Variants in B3GAT2 observed in about 807,000 individuals in gnomAD.
B3GAT2 encodes beta-1,3-glucuronyltransferase 2.
In B3GAT2, 26 loss-of-function variants were observed where a neutral mutation model predicts 27.8. The observed-to-expected ratio is 0.93, with a 90% CI of 0.68 to 1.30. The LOEUF is 1.30. Ranked by LOEUF, B3GAT2 falls within the 50% of genes most tolerant of loss-of-function variation. The pLI is 0.00. For synonymous variants in B3GAT2, 218 were observed against 195.1 expected (o/e 1.12, Z -0.98); for missense variants, 458 against 459.0 (o/e 1.00, Z 0.02).
chr6:70,920,608 A>C (rs1411893216), intron 1 of B3GAT2, among the ~76,000 whole-genome samples: 1 of 152,146 alleles, frequency 6.6e-6, no homozygotes, highest in Non-Finnish European at 1.5e-5. Flanking sequence ...TGTACTTTTT[A>C]AGTCAGGCAT....
intron 2 of B3GAT2, among the ~76,000 whole-genome samples, chr6:70,863,527 G>T (rs899347208): frequency 4.5e-4 from 68 of 152,304 alleles, no homozygotes; most frequent in African/African-American, 1.5e-3. Flanking sequence ...TTTTAGCAGA[G>T]AATACTGGAT....
At position 70,957,043 on chromosome 6, in the gene B3GAT2, C is replaced by T; in HGVS notation, c.-614G>A. The T allele has an allele frequency of 2.0e-6, 2 of 986,732 alleles. No individual in the cohort carries two copies. The highest frequency in any genetic ancestry group is 4.7e-5 in the South Asian group (1 of 21,334). 61.1% of individuals were successfully genotyped at this position (986,732 alleles called of 1,614,324 possible). On this transcript the variant is annotated 5_prime_UTR_variant, in exon 1 of 4. Coordinates refer to ENST00000230053, the MANE Select transcript of B3GAT2 (RefSeq NM_080742.3). ...TCCCTTGCTCTTGTCTTCTCAGAAC[C>T]TCTCCGGATCCAGCAGCAAGATCCC...
In B3GAT2 at chr6:70,956,436, C is replaced by T. The variant is rs1260518546; in HGVS notation, c.-7G>A. On this transcript the variant is annotated 5_prime_UTR_variant, in exon 1 of 4. The change creates a new upstream start codon in the 5' untranslated region. Transcript: ENST00000230053. ...TGAAAAGCGCGGACTTCATGGTGCACGCTCCCTGGCCTCTCGGACACCCCA... is the reference window on the plus strand; with the variant it reads ...TGAAAAGCGCGGACTTCATGGTGCATGCTCCCTGGCCTCTCGGACACCCCA... 1.9e-6 allele frequency: 3 copies of T among 1,550,936 alleles called. No homozygotes were observed. The highest frequency in any genetic ancestry group is 2.6e-6 in the Non-Finnish European group (3 of 1,146,796).
At position 70,956,955 on chromosome 6, in the gene B3GAT2, G is replaced by A; in HGVS notation, c.-526C>T. On this transcript the variant is annotated 5_prime_UTR_variant, in exon 1 of 4. Coordinates refer to ENST00000230053, the MANE Select transcript of B3GAT2 (RefSeq NM_080742.3). ...TTCCCGCCGGGGTGGCGAGGAGCGG[G>A]TGGAGACGCTGGGGGTTGTGTCCCG... 2 of 1,011,640 alleles carry A rather than the reference G, an allele frequency of 2.0e-6. No homozygotes were observed. The highest frequency in any genetic ancestry group is 2.4e-6 in the Non-Finnish European group (2 of 847,680). The allele number at this position is 1,011,640 out of a possible 1,614,324, so 62.7% of individuals were successfully genotyped here.
At chr6:70,870,105 G>A (rs527681388) in intron 2 of B3GAT2, among the ~76,000 whole-genome samples, 5 of 151,854 alleles carry the variant, frequency 3.3e-5, no homozygotes, top group South Asian at 2.1e-4. Context: ...TGTTTATTGC[G>A]GCACTATTCA....
At chr6:70,943,650 G>A (rs537714209) in intron 1 of B3GAT2, among the ~76,000 whole-genome samples, 26 of 152,274 alleles carry the variant, frequency 1.7e-4, no homozygotes, top group Admixed American at 7.2e-4. Flanking sequence ...ACAAGAATAC[G>A]TAGTTTAAAA....
rs113695081 is a variant in B3GAT2, at chr6:70,940,491, CA to C, written c.591+15347del. Among the ~76,000 whole-genome samples the C allele has an allele frequency of 8.6e-3, 1,292 of 149,904 alleles. 9 individuals carry two copies. The highest frequency in any genetic ancestry group is 0.014 in the African/African-American group (564 of 40,966). On this transcript the variant is annotated intron_variant, in intron 1 of 3. Transcript: ENST00000230053. ...AAAATACTGCTTCTAATCATGTGCT[CA>C]AAAAAAAAATCTATTTCGTGCCCTC...
intron 2 of B3GAT2, among the ~76,000 whole-genome samples, chr6:70,878,802 G>A (rs140767556): frequency 1.3e-5 from 2 of 151,470 alleles, no homozygotes; most frequent in East Asian, 3.9e-4. Flanking sequence ...ATTTTTAACT[G>A]TTTAAGGAGC....
chr6:70,941,740 G>A (rs572977313), intron 1 of B3GAT2, among the ~76,000 whole-genome samples: 11 of 152,106 alleles, frequency 7.2e-5, no homozygotes, highest in Non-Finnish European at 1.0e-4. Flanking sequence ...CTCCTTTCAG[G>A]GATTAAACTC....
Position 70,956,603 on chromosome 6 carries a change from G to A in B3GAT2, c.-174C>T, listed in dbSNP as rs1765662425. ...CCGCGGGGCTCACTACCTGGGCGTG[G>A]AGGAGCGGCAGGTTCGCGCAAGCTA... is the stretch of plus-strand genomic sequence containing the variant. On this transcript the variant is annotated 5_prime_UTR_variant, in exon 1 of 4. Coordinates refer to ENST00000230053, the MANE Select transcript of B3GAT2 (RefSeq NM_080742.3). 3.5e-6 allele frequency: 5 copies of A among 1,435,260 alleles called. No homozygotes were observed. The highest frequency in any genetic ancestry group is 1.5e-5 in the South Asian group (1 of 67,360). The allele number at this position is 1,435,260 out of a possible 1,614,324, so 88.9% of individuals were successfully genotyped here.
intron 1 of B3GAT2, among the ~76,000 whole-genome samples, chr6:70,952,379 A>G (rs1433626379): frequency 2.0e-5 from 3 of 151,920 alleles, no homozygotes; most frequent in Non-Finnish European, 4.4e-5. Flanking sequence ...TTTCAATTCA[A>G]TTGATTTCCA....
At chr6:70,872,784 TTTA>T (rs1443041582) in intron 2 of B3GAT2, among the ~76,000 whole-genome samples, 2 of 151,984 alleles carry the variant, frequency 1.3e-5, no homozygotes, top group African/African-American at 2.4e-5. Flanking sequence ...TACTGCCTTC[TTTA>T]TTATTAAACA....
intron 2 of B3GAT2, among the ~76,000 whole-genome samples, chr6:70,872,458 C>T (rs952218771): frequency 7.5e-5 from 11 of 146,934 alleles, no homozygotes; most frequent in African/African-American, 9.9e-5. Flanking sequence ...AGTAACAGTT[C>T]GTCTTAAAGT....
intron 1 of B3GAT2, among the ~76,000 whole-genome samples, chr6:70,917,966 C>G (rs1188057888): frequency 6.6e-6 from 1 of 152,090 alleles, no homozygotes; most frequent in Non-Finnish European, 1.5e-5. Context: ...AACTTTCTGT[C>G]TCGTTGATCC....
intron 2 of B3GAT2, among the ~76,000 whole-genome samples, chr6:70,882,428 G>A (rs992734654): frequency 1.4e-4 from 21 of 152,244 alleles, no homozygotes; most frequent in African/African-American, 4.3e-4. Flanking sequence ...GTGAACCCGG[G>A]AGGTAGAGCT....
At chr6:70,906,159 G>A (rs934929555) in intron 1 of B3GAT2, among the ~76,000 whole-genome samples, 3 of 152,110 alleles carry the variant, frequency 2.0e-5, no homozygotes, top group Non-Finnish European at 4.4e-5. Flanking sequence ...GAAAACCAAC[G>A]ATCTATCTCC....
rs1487623955 is a variant in B3GAT2 at position 70,956,096 on chromosome 6, G to A, written c.334C>T (p.His112Tyr). Reference sequence around the variant, plus strand: ...GCCGCGTCCTCCACCAGGATCCAGTGCAGCTGCGCCACCTGGCGGAACGTG... The same window carrying A: ...GCCGCGTCCTCCACCAGGATCCAGTACAGCTGCGCCACCTGGCGGAACGTG... ...ANTFRQVAQL[H>Y]WILVEDAAAR... is the part of the protein sequence containing the mutation. The change falls in exon 1 of 4, where the codon CAC becomes TAC. Residue 112 changes from histidine (H) to tyrosine (Y), a missense_variant. Physicochemically the swap from His to Tyr is moderately conservative, Grantham distance 83. Coordinates refer to ENST00000230053, the MANE Select transcript of B3GAT2 (RefSeq NM_080742.3). 2 of 1,600,476 alleles carry A rather than the reference G, an allele frequency of 1.2e-6. No homozygotes were observed. The highest frequency in any genetic ancestry group is 1.1e-5 in the South Asian group (1 of 89,460).
chr6:70,896,643 A>ATG (rs1214637282), intron 1 of B3GAT2, among the ~76,000 whole-genome samples: 1 of 152,194 alleles, frequency 6.6e-6, no homozygotes, highest in African/African-American at 2.4e-5. Flanking sequence ...ATAATTCAGC[A>ATG]TGTGGGGTGT....
chr6:70,889,551 T>A (rs1455950384), intron 2 of B3GAT2, among the ~76,000 whole-genome samples: 1 of 152,152 alleles, frequency 6.6e-6, no homozygotes, highest in Non-Finnish European at 1.5e-5. Context: ...AAGACAAGTA[T>A]AACCAGGTGC....
Sources: allele counts gnomAD v4.1 joint callset (sites outside exome capture counted in the v4.1 genomes callset), GRCh38; gene constraint gnomAD v4.1.1; transcripts MANE v1.5; gene names NCBI Gene and HGNC (gene_info 2026-07-23, HGNC 2026-07-21).